Variants in TINCR observed in about 807,000 individuals in gnomAD.
The protein encoded by TINCR is TINCR ubiquitin domain containing.
chr19:5,567,320 CAGAA>C (rs1344507145), intron 1 of TINCR, among the ~76,000 whole-genome samples: 2 of 150,042 alleles, frequency 1.3e-5, no homozygotes, highest in African/African-American at 2.5e-5. Context: ...AGACAAGAGA[CAGAA>C]AGAAGAGGGA....
rs561667443 is a variant in TINCR at position 5,567,377 on chromosome 19, A to G, written c.260+288T>C. 3.9e-5 allele frequency among the ~76,000 whole-genome samples: 6 copies of G among 152,276 alleles called. No individual in the cohort carries two copies. The South Asian group carries it at 1.2e-3, about 32-fold the overall frequency. On this transcript the variant is annotated intron_variant, in intron 1 of 1. Transcript: ENST00000646160. ...GACAAAAGAAGAAGAGACAGAGATG[A>G]GAGACAGAGACGAGAGAGTGACAAA...
downstream of TINCR, chr19:5,558,691 T>C (rs2052083879): frequency 6.6e-6 from 1 of 152,320 alleles, no homozygotes; most frequent in African/African-American, 2.4e-5. Flanking sequence ...CCAGCCACTG[T>C]CATCTCCCCT....
chr19:5,567,601 C>A (rs1397846087), intron 1 of TINCR, 64 bp downstream of exon 1: 1 of 374,022 alleles, frequency 2.7e-6, no homozygotes, highest in South Asian at 1.3e-4. Context: ...CCGCCTCCCC[C>A]GCCGCTCTCC....
At position 5,563,582 on chromosome 19, in the gene TINCR, T is replaced by C. The variant is rs530355133; in HGVS notation, c.261-633A>G. On this transcript the variant is annotated intron_variant, in intron 1 of 1. Transcript: ENST00000646160. This position sits in a 1 kb window ranked among gnomAD's most constrained non-coding sequence, Gnocchi z 4.7. Reference sequence around the variant, plus strand: ...GGCTCTGCCCCTTCCCAGCTTAATCTTACTCTGCCTCAGCTTCTCCACCTG... The same window carrying C: ...GGCTCTGCCCCTTCCCAGCTTAATCCTACTCTGCCTCAGCTTCTCCACCTG... Among the ~76,000 whole-genome samples the C allele has an allele frequency of 9.9e-5, 15 of 152,264 alleles. No homozygotes were observed. Among genetic ancestry groups the C allele is most frequent in the African/African-American group, 3.6e-4 (15 of 41,560 alleles).
downstream of TINCR, chr19:5,560,830 C>T (rs770726767): frequency 5.2e-5 from 8 of 152,706 alleles, no homozygotes; most frequent in African/African-American, 1.2e-4. This position sits in a 1 kb window ranked among gnomAD's most constrained non-coding sequence, Gnocchi z 4.5. Flanking sequence ...CGCATCTCCC[C>T]GCTTAGTCAT....
chr19:5,561,941 G>A (rs917436971), downstream of TINCR: 3 of 152,250 alleles, frequency 2.0e-5, no homozygotes, highest in Non-Finnish European at 4.4e-5. Context: ...CCCTACCCTA[G>A]AGGCCAGAAG....
downstream of TINCR, chr19:5,559,805 GGCTCTAGATACACGCATGTGGCCCA>G (rs1226591909): frequency 6.6e-6 from 1 of 152,248 alleles, no homozygotes; most frequent in African/African-American, 2.4e-5. Context: ...AGGGGACCCA[GGCTCTAGATACACGCATGTGGCCCA>G]GCTGTTAGCA....
chr19:5,567,936 G>C, exon 1 of TINCR: 1 of 379,612 alleles, frequency 2.6e-6, no homozygotes, highest in Non-Finnish European at 4.7e-6. Flanking sequence ...GCGCCCGCCC[G>C]GCTCCGGCTC....
chr19:5,558,894 A>C (rs2052085192), downstream of TINCR: 1 of 152,376 alleles, frequency 6.6e-6, no homozygotes, highest in African/African-American at 2.4e-5. Context: ...TGAAGGAAGA[A>C]GAGAAAAATG....
At chr19:5,567,628 C>CAA in intron 1 of TINCR, 37 bp downstream of exon 1, 2 of 332,956 alleles carry the variant, frequency 6.0e-6, no homozygotes, top group Non-Finnish European at 5.4e-6. Flanking sequence ...CCCCGGCCGC[C>CAA]GCCCCCGCCC....
intron 1 of TINCR, 30 bp downstream of exon 1, chr19:5,567,635 G>GC (rs1332961295): frequency 6.5e-5 from 8 of 122,472 alleles, no homozygotes; most frequent in East Asian, 5.3e-4. Flanking sequence ...CGCCGCCCCC[G>GC]CCCCACCCCA....
chr19:5,558,280 G>A (rs1245826033), downstream of TINCR: 3 of 152,284 alleles, frequency 2.0e-5, no homozygotes, highest in South Asian at 4.1e-4. Context: ...TCTGCTGGGA[G>A]GAGACACAGA....
At chr19:5,558,955 T>TGGGAAGGGAA (rs746429519), downstream of TINCR, 3 of 150,592 alleles carry the variant, frequency 2.0e-5, no homozygotes, top group Non-Finnish European at 4.4e-5. Flanking sequence ...GGAGAACAGA[T>TGGGAAGGGAA]GGGAAGGGAA....
downstream of TINCR, chr19:5,558,491 C>T (rs1224273779): frequency 6.6e-6 from 1 of 152,328 alleles, no homozygotes; most frequent in Non-Finnish European, 1.5e-5. Context: ...GACTGTGGCC[C>T]AAACTCAGGG....
chr19:5,564,473 G>A (rs771472380), intron 1 of TINCR, among the ~76,000 whole-genome samples: 6 of 151,618 alleles, frequency 4.0e-5, no homozygotes, highest in Non-Finnish European at 7.4e-5. Flanking sequence ...TGTTGGGGAA[G>A]ACAAAGCTGG....
exon 1 of TINCR, chr19:5,567,888 G>T: frequency 2.6e-6 from 1 of 389,986 alleles, no homozygotes. Context: ...ATGTGGTAGC[G>T]CTTCCAGCGC....
In TINCR at chr19:5,563,611, A is replaced by C. The variant is rs2052112328; in HGVS notation, c.261-662T>G. ...TCTGCCTCAGCTTCTCCACCTGTAA[A>C]CCGCCAATGATAACGGCACCCGGCC... On this transcript the variant is annotated intron_variant, in intron 1 of 1. Coordinates refer to ENST00000646160, the Ensembl canonical transcript of TINCR. This position sits in a 1 kb window ranked among gnomAD's most constrained non-coding sequence, Gnocchi z 4.7. 6.6e-6 allele frequency among the ~76,000 whole-genome samples: 1 copy of C among 152,038 alleles called. No homozygotes were observed. The highest frequency in any genetic ancestry group is 6.6e-5 in the Admixed American group (1 of 15,250).
At chr19:5,567,406 G>A (rs2052136281) in intron 1 of TINCR, among the ~76,000 whole-genome samples, 1 of 152,126 alleles carries the variant, frequency 6.6e-6, no homozygotes, top group Admixed American at 6.5e-5. Flanking sequence ...TGACAAAGAT[G>A]AGAGTGACAG....
At position 5,565,752 on chromosome 19, in the gene TINCR, G is replaced by A. The variant is rs569156604; in HGVS notation, c.260+1913C>T. 3.3e-5 allele frequency among the ~76,000 whole-genome samples: 5 copies of A among 152,294 alleles called. No homozygotes were observed. In the East Asian group the frequency reaches 9.7e-4, roughly 29 times the overall value. ...ACTCCTGCAACGGGGTGGCATCTGAGGCTCCTGCCCTCAAAACATCAACCC... is the reference window on the plus strand; with the variant it reads ...ACTCCTGCAACGGGGTGGCATCTGAAGCTCCTGCCCTCAAAACATCAACCC... On this transcript the variant is annotated intron_variant, in intron 1 of 1. Coordinates refer to ENST00000646160, the Ensembl canonical transcript of TINCR. The surrounding 1 kb of genome is among the most constrained non-coding windows in gnomAD (Gnocchi z 4.0).
Sources: gnomAD v4.1 joint callset for allele counts (sites outside exome capture counted in the v4.1 genomes callset) on GRCh38, gnomAD v4.1.1 for gene constraint, Gnocchi (gnomAD v3.1) non-coding constraint, MANE v1.5 for transcripts, NCBI Gene and HGNC (gene_info 2026-07-23, HGNC 2026-07-21) for gene names.